PDE8B: variants seen among roughly 807,000 people sequenced by gnomAD.
PDE8B encodes high affinity cAMP-specific and IBMX-insensitive 3',5'-cyclic phosphodiesterase 8B.
In PDE8B, 26 loss-of-function variants were observed where a neutral mutation model predicts 101.3. The observed-to-expected ratio is 0.26, with a 90% CI of 0.19 to 0.36. The LOEUF (loss-of-function observed/expected upper bound fraction) is 0.36, where lower values mean the gene tolerates loss of function less well. Among genes scored for constraint, PDE8B ranks in the 10% least tolerant of loss-of-function variants. The pLI, the probability that PDE8B is intolerant of heterozygous loss-of-function variation, is 1.00. For missense variants in PDE8B, 810 were observed against 1,163.1 expected, an observed-to-expected ratio of 0.70 and a Z score of 4.42; for synonymous variants, 424 against 429.3, an observed-to-expected ratio of 0.99 and a Z score of 0.15.
chr5:77,153,380 G>A, the PDE8B span, among the ~76,000 whole-genome samples: 1 of 152,124 alleles, frequency 6.6e-6, no homozygotes, highest in Non-Finnish European at 1.5e-5. Context: ...ATACCTATTT[G>A]TGCAATGAAT....
intron 1 of PDE8B, among the ~76,000 whole-genome samples, chr5:77,263,277 C>T (rs909836639): frequency 6.6e-6 from 1 of 152,144 alleles, no homozygotes; most frequent in Non-Finnish European, 1.5e-5. Context: ...AAGATCAATG[C>T]GAACTTTTAT....
At chr5:77,173,817 G>A in the PDE8B span, among the ~76,000 whole-genome samples, 2 of 152,210 alleles carry the variant, frequency 1.3e-5, no homozygotes, top group East Asian at 1.9e-4. Context: ...TGTGTCTGGG[G>A]CGGGGGTGGT....
chr5:77,220,888 G>T (rs2149430306), intron 1 of PDE8B, among the ~76,000 whole-genome samples: 1 of 152,262 alleles, frequency 6.6e-6, no homozygotes, highest in East Asian at 1.9e-4. Flanking sequence ...ACATTGCTAG[G>T]GAGGAAGTGG....
At position 77,364,277 on chromosome 5, in the gene PDE8B, C is replaced by T. The variant is rs546549954; in HGVS notation, c.1167+10871C>T. Among the ~76,000 whole-genome samples, 3 of 152,334 alleles carry T rather than the reference C, an allele frequency of 2.0e-5. No homozygotes were observed. The East Asian group carries it at 5.8e-4, about 29-fold the overall frequency. On this transcript the variant is annotated intron_variant, in intron 10 of 21. Transcript: ENST00000264917. ...CCACACTTTGGAGGTATGCAGCCAA[C>T]TGCACCTAAAACCCAGCCATTGTAC...
At chr5:77,305,452 AG>A (rs879721950) in intron 1 of PDE8B, among the ~76,000 whole-genome samples, 5 of 152,166 alleles carry the variant, frequency 3.3e-5, no homozygotes, top group Non-Finnish European at 5.9e-5. Flanking sequence ...GCCAGCCAGC[AG>A]GGCCCACAAC....
At chr5:77,144,003 A>C in the PDE8B span, 1 of 152,066 alleles carries the variant, frequency 6.6e-6, no homozygotes, top group Non-Finnish European at 1.5e-5. Context: ...TCCTGGCTAC[A>C]TGGAGGGTAA....
the PDE8B span, among the ~76,000 whole-genome samples, chr5:77,096,135 G>A: frequency 6.6e-6 from 1 of 151,980 alleles, no homozygotes; most frequent in Non-Finnish European, 1.5e-5. Context: ...GACTACAGGC[G>A]CACGCTACCA....
chr5:77,325,831 A>G (rs1373359944), intron 3 of PDE8B, 102 bp downstream of exon 3: 11 of 848,048 alleles, frequency 1.3e-5, no homozygotes, highest in East Asian at 2.6e-5. Flanking sequence ...TTTTTAAAAT[A>G]TGCGTTGATG....
chr5:77,414,567 T>C (rs1795152847), intron 17 of PDE8B, among the ~76,000 whole-genome samples: 1 of 151,092 alleles, frequency 6.6e-6, no homozygotes, highest in Non-Finnish European at 1.5e-5. Context: ...ACTACAGGCG[T>C]AGGCCACCAT....
intron 1 of PDE8B, among the ~76,000 whole-genome samples, chr5:77,255,220 C>T (rs1003862211): frequency 1.3e-5 from 2 of 152,216 alleles, no homozygotes; most frequent in Non-Finnish European, 2.9e-5. Context: ...CAACCAGGCT[C>T]TGCTGCCTGA....
intron 1 of PDE8B, among the ~76,000 whole-genome samples, chr5:77,275,994 G>T (rs145753180): frequency 1.6e-3 from 238 of 152,242 alleles, no homozygotes; most frequent in African/African-American, 5.3e-3. Context: ...AATTAATTAT[G>T]TAAAAAATAA....
At chr5:77,337,462 C>A (rs936517177) in intron 6 of PDE8B, 147 bp downstream of exon 6, 3 of 683,374 alleles carry the variant, frequency 4.4e-6, no homozygotes, top group Admixed American at 4.2e-5. Flanking sequence ...TGGCCAACAG[C>A]AGTATCTAAG....
the PDE8B span, among the ~76,000 whole-genome samples, chr5:77,163,204 G>A: frequency 6.6e-6 from 1 of 152,272 alleles, no homozygotes; most frequent in East Asian, 1.9e-4. Context: ...AAACCTTTGG[G>A]GAACACAGCA....
chr5:77,235,539 G>A (rs1467160652), intron 1 of PDE8B, among the ~76,000 whole-genome samples: 3 of 152,164 alleles, frequency 2.0e-5, no homozygotes, highest in African/African-American at 7.2e-5. Context: ...AATGTTGAGT[G>A]CCTACTGTGA....
the PDE8B span, among the ~76,000 whole-genome samples, chr5:77,170,393 G>A: frequency 6.6e-6 from 1 of 152,114 alleles, no homozygotes; most frequent in Non-Finnish European, 1.5e-5. Context: ...TAACCACAGA[G>A]CAGTGGGATA....
chr5:77,150,068 C>T, the PDE8B span, among the ~76,000 whole-genome samples: 41 of 152,174 alleles, frequency 2.7e-4, no homozygotes, highest in African/African-American at 9.7e-4. Context: ...TGCACTGAGC[C>T]ACATCCTCCA....
the PDE8B span, chr5:77,139,624 A>T: frequency 6.6e-6 from 1 of 152,266 alleles, no homozygotes; most frequent in South Asian, 2.1e-4. Context: ...GTCTTTTGTG[A>T]TCTTAAACTT....
intron 10 of PDE8B, among the ~76,000 whole-genome samples, chr5:77,392,742 T>C (rs957105650): frequency 1.3e-5 from 2 of 152,212 alleles, no homozygotes; most frequent in East Asian, 3.9e-4. Flanking sequence ...TCTTAGCCTG[T>C]AGGGAGGGTG....
At chr5:77,129,914 T>C in the PDE8B span, among the ~76,000 whole-genome samples, 1 of 152,154 alleles carries the variant, frequency 6.6e-6, no homozygotes, top group African/African-American at 2.4e-5. Flanking sequence ...TGGTTTGAAA[T>C]TGAATTTTTA....
Sources: allele counts gnomAD v4.1 joint callset (sites outside exome capture counted in the v4.1 genomes callset), GRCh38; gene constraint gnomAD v4.1.1; transcripts MANE v1.5; gene names NCBI Gene and HGNC (gene_info 2026-07-23, HGNC 2026-07-21).